The following WWOX variants were observed in gnomAD, a reference collection of about 807,000 sequenced individuals.
WWOX encodes WW domain containing oxidoreductase, also known as WW domain-containing oxidoreductase.
In WWOX, 69 loss-of-function variants were observed where a neutral mutation model predicts 46.2. The observed-to-expected ratio is 1.49, with a 90% CI of 1.23 to 1.82. WWOX has a LOEUF of 1.82. Among genes scored for constraint, WWOX ranks in the 40% most tolerant of loss-of-function variants. The pLI is 0.00. For synonymous variants in WWOX, 359 were observed against 202.6 expected, an observed-to-expected ratio of 1.77 and a Z score of -6.56; for missense variants, 919 against 542.6, an observed-to-expected ratio of 1.69 and a Z score of -6.89.
At chr16:78,893,254 T>C (rs1174322530) in intron 8 of WWOX, among the ~76,000 whole-genome samples, 1 of 151,514 alleles carries the variant, frequency 6.6e-6, no homozygotes, top group Non-Finnish European at 1.5e-5. Flanking sequence ...AGGGAAGACA[T>C]TCTTCTTTTT....
chr16:78,445,299 G>A (rs745743883), intron 8 of WWOX, among the ~76,000 whole-genome samples: 7 of 152,162 alleles, frequency 4.6e-5, no homozygotes, highest in Non-Finnish European at 1.0e-4. Flanking sequence ...TAGAAGAAGG[G>A]CGCTCACCTC....
intron 6 of WWOX, among the ~76,000 whole-genome samples, chr16:78,419,893 T>G (rs951170902): frequency 3.9e-5 from 6 of 152,072 alleles, no homozygotes; most frequent in Admixed American, 3.3e-4. Flanking sequence ...AAATTAAATA[T>G]TAAATAAGGG....
intron 8 of WWOX, among the ~76,000 whole-genome samples, chr16:79,057,654 A>G (rs931029009): frequency 2.0e-5 from 3 of 152,206 alleles, no homozygotes; most frequent in Non-Finnish European, 4.4e-5. Flanking sequence ...GTCCTGATAA[A>G]TGGGAACTGG....
intron 5 of WWOX, among the ~76,000 whole-genome samples, chr16:78,184,456 G>T (rs538598666): frequency 6.6e-6 from 1 of 152,062 alleles, no homozygotes; most frequent in East Asian, 1.9e-4. Flanking sequence ...AATCATAAGC[G>T]TTTTATGATT....
At chr16:78,730,871 C>G (rs1220782683) in intron 8 of WWOX, among the ~76,000 whole-genome samples, 1 of 152,082 alleles carries the variant, frequency 6.6e-6, no homozygotes, top group African/African-American at 2.4e-5. Context: ...ATCTTGGCAA[C>G]TTAGCAGCCA....
intron 6 of WWOX, among the ~76,000 whole-genome samples, chr16:78,414,355 G>C (rs1275183691): frequency 2.6e-5 from 4 of 152,142 alleles, no homozygotes; most frequent in Admixed American, 1.3e-4. Flanking sequence ...GATCACTTGA[G>C]GTCAGGAGTT....
intron 8 of WWOX, among the ~76,000 whole-genome samples, chr16:78,566,814 A>T (rs1236980117): frequency 6.6e-6 from 1 of 152,188 alleles, no homozygotes; most frequent in African/African-American, 2.4e-5. Context: ...TGCTTTTTGC[A>T]CATTGTTTGA....
intron 8 of WWOX, among the ~76,000 whole-genome samples, chr16:79,179,273 G>T (rs780235182): frequency 6.6e-6 from 1 of 152,168 alleles, no homozygotes; most frequent in Non-Finnish European, 1.5e-5. Context: ...GGTGGTGAAT[G>T]AACATAAAAA....
chr16:78,845,319 G>C (rs1191367317), intron 8 of WWOX, among the ~76,000 whole-genome samples: 1 of 152,072 alleles, frequency 6.6e-6, no homozygotes, highest in Non-Finnish European at 1.5e-5. Flanking sequence ...AAGGTTTCCA[G>C]CCTTTCCTCC....
intron 8 of WWOX, among the ~76,000 whole-genome samples, chr16:78,851,795 G>C (rs1339038282): frequency 6.6e-6 from 1 of 152,176 alleles, no homozygotes; most frequent in African/African-American, 2.4e-5. Flanking sequence ...CTGTTCAAAA[G>C]TTTTATTGTA....
intron 8 of WWOX, among the ~76,000 whole-genome samples, chr16:78,661,209 C>G (rs1347243235): frequency 2.0e-5 from 3 of 152,174 alleles, no homozygotes; most frequent in Admixed American, 1.3e-4. Flanking sequence ...CTACCATTCA[C>G]ACGTGAGAAT....
intron 8 of WWOX, among the ~76,000 whole-genome samples, chr16:78,745,743 C>T (rs1395811228): frequency 6.6e-6 from 1 of 151,434 alleles, no homozygotes; most frequent in Non-Finnish European, 1.5e-5. Flanking sequence ...CCTCCTTCTC[C>T]TCCTCCCTCT....
At position 78,508,649 on chromosome 16, in the gene WWOX, G is replaced by C. The variant is rs2085278274; in HGVS notation, c.1056+75897G>C. On this transcript the variant is annotated intron_variant, in intron 8 of 8. Transcript: ENST00000566780. ...TGATGTTGCTCATTTTTGATAAGTA[G>C]TTGAAAGCTGATGGTGCCCTCCATT... 2.6e-5 allele frequency among the ~76,000 whole-genome samples: 4 copies of C among 152,316 alleles called. No individual in the cohort carries two copies. In the South Asian group the frequency reaches 8.3e-4, roughly 32 times the overall value.
intron 8 of WWOX, among the ~76,000 whole-genome samples, chr16:79,068,024 C>T (rs2048474278): frequency 6.6e-6 from 1 of 152,108 alleles, no homozygotes; most frequent in Admixed American, 6.5e-5. Flanking sequence ...GATCTTCCTG[C>T]CTTTGCCTTG....
At chr16:79,064,900 A>G (rs2048414938) in intron 8 of WWOX, among the ~76,000 whole-genome samples, 1 of 152,210 alleles carries the variant, frequency 6.6e-6, no homozygotes, top group Non-Finnish European at 1.5e-5. Flanking sequence ...TACTCAGTTT[A>G]TAACGGACGT....
intron 8 of WWOX, among the ~76,000 whole-genome samples, chr16:78,457,425 A>G (rs1205721845): frequency 6.6e-6 from 1 of 152,220 alleles, no homozygotes; most frequent in Non-Finnish European, 1.5e-5. Context: ...CGTGTCTTCC[A>G]CGTACGTCCT....
At chr16:78,738,685 A>G (rs1364290) in intron 8 of WWOX, among the ~76,000 whole-genome samples, 22,809 of 152,118 alleles carry the variant, frequency 0.15, 2,104 homozygotes, top group African/African-American at 0.25. Context: ...TCTCCTGGCT[A>G]GAATGTGTAG....
chr16:78,683,876 A>C (rs949799457), intron 8 of WWOX, among the ~76,000 whole-genome samples: 8 of 152,170 alleles, frequency 5.3e-5, no homozygotes, highest in African/African-American at 1.7e-4. Context: ...ACAGAGTTTT[A>C]CTTGTGCCAC....
intron 8 of WWOX, among the ~76,000 whole-genome samples, chr16:78,707,741 G>C (rs2048353477): frequency 6.6e-6 from 1 of 151,936 alleles, no homozygotes; most frequent in African/African-American, 2.4e-5. Context: ...AAATTAGCCT[G>C]GTGTGGTGGT....
Sources: allele counts gnomAD v4.1 joint callset (sites outside exome capture counted in the v4.1 genomes callset), GRCh38; gene constraint gnomAD v4.1.1; transcripts MANE v1.5; gene names NCBI Gene and HGNC (gene_info 2026-07-23, HGNC 2026-07-21).